OXR1: variants seen among roughly 807,000 people sequenced by gnomAD.
OXR1 encodes oxidation resistance 1.
Under a neutral mutation model 104.6 loss-of-function variants are expected in OXR1, and 41 were observed. The observed-to-expected ratio is 0.39, with a 90% CI of 0.31 to 0.51. The LOEUF is 0.51. Among genes scored for constraint, OXR1 ranks in the 20% least tolerant of loss-of-function variants. The pLI, the probability that OXR1 is intolerant of heterozygous loss-of-function variation, is 0.77. For missense variants in OXR1, 955 were observed against 1,031.9 expected (o/e 0.93, Z 1.02); for synonymous variants, 348 against 348.4 (o/e 1.00, Z 0.01).
chr8:106,302,447 G>A (rs1004674624), intron 1 of OXR1, among the ~76,000 whole-genome samples: 10 of 151,894 alleles, frequency 6.6e-5, no homozygotes, highest in African/African-American at 1.7e-4. Flanking sequence ...TAAGCCCGGC[G>A]TGGTGGCGGG....
chr8:106,274,195 G>C (rs1255419914), intron 1 of OXR1, among the ~76,000 whole-genome samples: 7 of 152,172 alleles, frequency 4.6e-5, no homozygotes. Context: ...AGCATGGAGC[G>C]TATTGAGAAG....
chr8:106,733,964 A>G (rs1360522523), intron 11 of OXR1, among the ~76,000 whole-genome samples: 3 of 150,500 alleles, frequency 2.0e-5, no homozygotes, highest in East Asian at 3.9e-4. Context: ...TTCAAATCAA[A>G]CTTCACTAAT....
intron 3 of OXR1, among the ~76,000 whole-genome samples, chr8:106,534,490 A>C (rs189724617): frequency 1.5e-4 from 23 of 152,358 alleles, no homozygotes; most frequent in African/African-American, 5.5e-4. Flanking sequence ...GTAGTAATGG[A>C]TAAAATTGTT....
intron 3 of OXR1, among the ~76,000 whole-genome samples, chr8:106,617,193 C>G (rs772429779): frequency 4.6e-5 from 7 of 152,126 alleles, no homozygotes; most frequent in Non-Finnish European, 1.0e-4. Flanking sequence ...GAGGCCAAGG[C>G]GAGTGGACCA....
chr8:106,501,049 C>T (rs966362118), intron 2 of OXR1, among the ~76,000 whole-genome samples: 11 of 152,156 alleles, frequency 7.2e-5, no homozygotes, highest in Non-Finnish European at 2.9e-5. Context: ...TTGAGACCAG[C>T]ATGACAAAAA....
chr8:106,694,974 TATA>T (rs1321039938), intron 7 of OXR1, among the ~76,000 whole-genome samples: 1 of 89,128 alleles, frequency 1.1e-5, no homozygotes, highest in Non-Finnish European at 2.3e-5. Flanking sequence ...ACATGTATAT[TATA>T]ATATATATCT....
chr8:106,332,712 C>T (rs1482436343), intron 1 of OXR1, among the ~76,000 whole-genome samples: 1 of 152,166 alleles, frequency 6.6e-6, no homozygotes, highest in Non-Finnish European at 1.5e-5. Flanking sequence ...ACCATCACCA[C>T]TATCTAATTC....
intron 1 of OXR1, among the ~76,000 whole-genome samples, chr8:106,286,904 C>T (rs558318138): frequency 6.6e-6 from 1 of 152,274 alleles, no homozygotes; most frequent in African/African-American, 2.4e-5. Context: ...CTTGTCAATT[C>T]TCTATTTCTA....
chr8:106,456,073 AAG>A lies in OXR1; in HGVS notation c.24-62866_24-62865del, dbSNP rs200344165. Among the ~76,000 whole-genome samples, 1,038 of 152,352 alleles carry A rather than the reference AAG, an allele frequency of 6.8e-3. 11 individuals carry two copies. Among genetic ancestry groups the A allele is most frequent in the African/African-American group, 0.024 (998 of 41,584 alleles). ...TGAATAGATAGAAGAAAGAAATAAA[AAG>A]AGATCATTTTGTATTGTATGCTTTC... On this transcript the variant is annotated intron_variant, in intron 2 of 16. Coordinates refer to ENST00000517566, the MANE Select transcript of OXR1 (RefSeq NM_001198533.2).
At chr8:106,495,701 G>A (rs1811369141) in intron 2 of OXR1, among the ~76,000 whole-genome samples, 1 of 152,140 alleles carries the variant, frequency 6.6e-6, no homozygotes, top group African/African-American at 2.4e-5. Context: ...CTGAGTGAGA[G>A]GATGATAACT....
At chr8:106,461,266 A>G (rs756785264) in intron 2 of OXR1, among the ~76,000 whole-genome samples, 18 of 152,148 alleles carry the variant, frequency 1.2e-4, no homozygotes, top group Non-Finnish European at 2.5e-4. Flanking sequence ...GTACTTAAAT[A>G]TAAAATAATT....
intron 1 of OXR1, among the ~76,000 whole-genome samples, chr8:106,297,209 A>G (rs979185367): frequency 2.0e-5 from 3 of 152,166 alleles, no homozygotes; most frequent in Non-Finnish European, 4.4e-5. Context: ...CATTAGATGA[A>G]TGGACTCAGA....
At chr8:106,443,864 GCTT>G in intron 2 of OXR1, among the ~76,000 whole-genome samples, 1 of 152,272 alleles carries the variant, frequency 6.6e-6, no homozygotes, top group East Asian at 1.9e-4. Flanking sequence ...AAGCTAAAGA[GCTT>G]CTGCTCAGCA....
Position 106,668,067 on chromosome 8 carries a change from G to A in OXR1, c.221-11143G>A, listed in dbSNP as rs529368347. The stretch of plus-strand genomic sequence containing the variant: ...ACCATGCTTTGGTATGACATTAGCA[G>A]TTTCATTTCTCATTTTTCTCCTCCT... On this transcript the variant is annotated intron_variant, in intron 3 of 16. Transcript: ENST00000517566. Among the ~76,000 whole-genome samples the A allele has an allele frequency of 5.1e-4, 78 of 151,670 alleles. No homozygotes were observed. The South Asian group carries it at 0.016, about 30-fold the overall frequency.
intron 1 of OXR1, among the ~76,000 whole-genome samples, chr8:106,318,765 G>A (rs1229767625): frequency 1.3e-5 from 2 of 152,028 alleles, no homozygotes; most frequent in African/African-American, 2.4e-5. Context: ...TAAGATACTT[G>A]CTTTTCTGCT....
intron 2 of OXR1, among the ~76,000 whole-genome samples, chr8:106,474,012 TACACACACACAC>T (rs199751152): frequency 0.045 from 6,151 of 137,354 alleles, 443 homozygotes; most frequent in African/African-American, 0.15. Context: ...TGTATATTTA[TACACACACACAC>T]ACACACACAC....
chr8:106,602,968 T>G (rs1309158082), intron 3 of OXR1, among the ~76,000 whole-genome samples: 1 of 152,226 alleles, frequency 6.6e-6, no homozygotes, highest in Non-Finnish European at 1.5e-5. Flanking sequence ...AGATGATTTA[T>G]ATTTACATTC....
At chr8:106,339,445 A>C (rs2130257900) in intron 1 of OXR1, among the ~76,000 whole-genome samples, 1 of 139,570 alleles carries the variant, frequency 7.2e-6, no homozygotes, top group African/African-American at 2.6e-5. Context: ...CAGTGAGCTG[A>C]GATCAAGCCA....
intron 1 of OXR1, among the ~76,000 whole-genome samples, chr8:106,304,924 A>G (rs1813411122): frequency 6.6e-6 from 1 of 152,168 alleles, no homozygotes. Context: ...ATATATGGGC[A>G]GAAGTCCACA....
Sources: allele counts gnomAD v4.1 joint callset (sites outside exome capture counted in the v4.1 genomes callset), GRCh38; gene constraint gnomAD v4.1.1; transcripts MANE v1.5; gene names NCBI Gene and HGNC (gene_info 2026-07-23, HGNC 2026-07-21).